Variants in ECPAS observed in about 807,000 individuals in gnomAD.
ECPAS encodes proteasome adapter and scaffold protein ECM29.
A neutral mutation model predicts 255.1 loss-of-function variants in ECPAS; 70 were observed. That is an observed-to-expected ratio of 0.27 (90% CI 0.23 to 0.33). The LOEUF (loss-of-function observed/expected upper bound fraction) is 0.33. Ranked by LOEUF, ECPAS falls within the 10% of genes least tolerant of loss-of-function variation. The pLI is 1.00. For synonymous variants in ECPAS, 784 were observed against 775.0 expected, an observed-to-expected ratio of 1.01 and a Z score of -0.19; for missense variants, 1,817 against 2,206.4, an observed-to-expected ratio of 0.82 and a Z score of 3.54.
intron 24 of ECPAS, among the ~76,000 whole-genome samples, chr9:111,399,094 T>C (rs1473953315): frequency 6.6e-6 from 1 of 152,144 alleles, no homozygotes; most frequent in African/African-American, 2.4e-5. Context: ...GATACCCTAT[T>C]CTCCATGATG....
chr9:111,472,838 C>A, intron 2 of ECPAS, 59 bp downstream of exon 2: 1 of 484,300 alleles, frequency 2.1e-6, no homozygotes, highest in South Asian at 2.3e-5. Flanking sequence ...ATAACCTATG[C>A]ATTTTTAAAT....
chr9:111,410,093 T>A lies in ECPAS; in HGVS notation c.2498A>T (p.His833Leu). 6.3e-7 allele frequency: 1 copy of A among 1,595,798 alleles called. No homozygotes were observed. Among genetic ancestry groups the A allele is most frequent in the Non-Finnish European group, 8.5e-7 (1 of 1,170,656 alleles). The change falls in exon 23 of 50, where the codon CAT becomes CTT. Residue 833 changes from histidine (H) to leucine (L), a missense_variant. This residue lies in a region of ECPAS where 194 missense variants were observed against 152.8 expected (regional missense o/e 1.27). Transcript: ENST00000684092. ...PSEGSGFTKL[H>L]LVESLLSRIP... ...TCTACTTAGTAAGCTTTCTACAAGA[T>A]GCAATTTGGTAAAGCCAGATCCCTC...
chr9:111,460,972 TG>T (rs2098272424), intron 2 of ECPAS, among the ~76,000 whole-genome samples: 1 of 152,058 alleles, frequency 6.6e-6, no homozygotes, highest in Non-Finnish European at 1.5e-5. Flanking sequence ...CAGGCCAGCC[TG>T]GGCAACACAG....
Position 111,416,262 on chromosome 9 carries a change from A to G in ECPAS, c.1764+10T>C, listed in dbSNP as rs779465565. The G allele has an allele frequency of 1.0e-5, 16 of 1,598,536 alleles. No homozygotes were observed. The highest frequency in any genetic ancestry group is 1.4e-5 in the Non-Finnish European group (16 of 1,165,892). On this transcript the variant is annotated intron_variant, in intron 18 of 49. Coordinates refer to ENST00000684092, the MANE Select transcript of ECPAS (RefSeq NM_001364929.1). ...TACAAAAAGTAAATAGAAATATATG[A>G]AAGTTCTACCTCTCCAAAGGCTGCT... is the stretch of plus-strand genomic sequence containing the variant.
At chr9:111,395,177 T>C (rs568020506) in intron 25 of ECPAS, among the ~76,000 whole-genome samples, 1 of 152,332 alleles carries the variant, frequency 6.6e-6, no homozygotes, top group African/African-American at 2.4e-5. Flanking sequence ...TTTTAATTCC[T>C]GTAACCACAA....
chr9:111,370,604 G>A lies in ECPAS; in HGVS notation c.4805C>T (p.Pro1602Leu). The change falls in exon 45 of 50, where the codon CCC (proline) becomes CTC (leucine). Residue 1602 changes from proline to leucine, a missense_variant. By Grantham distance (98) the Pro-to-Leu change is moderately conservative. This residue lies in a region of ECPAS where 960 missense variants were observed against 1,179.0 expected (regional missense o/e 0.81). Transcript: ENST00000684092. ...ACSAELEKSV[P>L]NQPSTNEILQ... ...AATTTCATTTGTGCTGGGTTGATTG[G>A]GCACAGACTTTTCCAGCTCTGCACT... The A allele has an allele frequency of 6.2e-7, 1 of 1,610,868 alleles. No homozygotes were observed. The highest frequency in any genetic ancestry group is 1.1e-5 in the South Asian group (1 of 90,418).
At chr9:111,395,874 C>T (rs2098166876) in intron 25 of ECPAS, among the ~76,000 whole-genome samples, 1 of 152,188 alleles carries the variant, frequency 6.6e-6, no homozygotes, top group Admixed American at 6.5e-5. Context: ...TGCCTTGCTT[C>T]ATGTGTGTTC....
At chr9:111,471,855 C>G (rs1258705635) in intron 2 of ECPAS, among the ~76,000 whole-genome samples, 1 of 152,110 alleles carries the variant, frequency 6.6e-6, no homozygotes, top group African/African-American at 2.4e-5. Context: ...AAAATCATGA[C>G]ACTTTGGGGG....
intron 1 of ECPAS, among the ~76,000 whole-genome samples, chr9:111,473,876 A>G (rs964768998): frequency 1.3e-5 from 2 of 152,192 alleles, no homozygotes; most frequent in African/African-American, 4.8e-5. Flanking sequence ...CTGAGGTCAG[A>G]AGATGGATTG....
intron 2 of ECPAS, among the ~76,000 whole-genome samples, chr9:111,456,352 G>C (rs1302362017): frequency 6.6e-6 from 1 of 152,150 alleles, no homozygotes; most frequent in African/African-American, 2.4e-5. Context: ...ACTTGCCCAA[G>C]GTCACAGATT....
Position 111,484,299 on chromosome 9 carries a change from C to G in ECPAS, c.-266G>C, listed in dbSNP as rs2132161578. ...GGAAATCCTCGAGGCGGGGCCGGAGCGCCCTTTTCCGAGGTCTGCGGCTGT... is the reference window on the plus strand; with the variant it reads ...GGAAATCCTCGAGGCGGGGCCGGAGGGCCCTTTTCCGAGGTCTGCGGCTGT... On this transcript the variant is annotated 5_prime_UTR_variant, in exon 1 of 50. Coordinates refer to ENST00000684092, the MANE Select transcript of ECPAS (RefSeq NM_001364929.1). 6.4e-7 allele frequency: 1 copy of G among 1,551,892 alleles called. No individual in the cohort carries two copies.
chr9:111,371,577 A>T (rs765626157), intron 43 of ECPAS, 44 bp downstream of exon 43: 2 of 1,507,490 alleles, frequency 1.3e-6, no homozygotes, highest in African/African-American at 2.8e-5. Flanking sequence ...AAAATGAAAG[A>T]TGAAGTCAGA....
intron 2 of ECPAS, among the ~76,000 whole-genome samples, chr9:111,472,126 T>G (rs193017983): frequency 6.6e-6 from 1 of 151,496 alleles, no homozygotes; most frequent in African/African-American, 2.4e-5. Flanking sequence ...AAACAAAATG[T>G]AGTCCCAGCT....
At chr9:111,422,080 G>A (rs370952793) in intron 14 of ECPAS, 37 bp from the exon 15 acceptor site, 26 of 1,613,450 alleles carry the variant, frequency 1.6e-5, no homozygotes, top group Non-Finnish European at 2.0e-5. Flanking sequence ...TCCTTGTTGG[G>A]TTCCCAGGGG....
chr9:111,371,687 A>T lies in ECPAS; in HGVS notation c.4671T>A (p.Pro1557=). 1 of 1,613,848 alleles carries T rather than the reference A, an allele frequency of 6.2e-7. No homozygotes were observed. Among genetic ancestry groups the T allele is most frequent in the South Asian group, 1.1e-5 (1 of 91,074 alleles). Residue 1557 remains proline, a synonymous_variant, in exon 43 of 50, where the codon CCT becomes CCA. Transcript: ENST00000684092. ...CGGTCAGTATCATTCCGAGATATGG[A>T]GGTACTAGAGAGCTAGTCTGTTTTG... is the stretch of plus-strand genomic sequence containing the variant. The part of the protein sequence containing the change: ...SIAKQTSSLV[P]PYLGMILTAL...
intron 16 of ECPAS, among the ~76,000 whole-genome samples, chr9:111,418,307 G>A (rs1303470666): frequency 2.6e-5 from 4 of 151,974 alleles, no homozygotes; most frequent in African/African-American, 4.8e-5. Context: ...GCTTTACCTC[G>A]TAGAGTTAAA....
chr9:111,402,120 C>A (rs1138814), intron 24 of ECPAS, among the ~76,000 whole-genome samples: 1 of 152,162 alleles, frequency 6.6e-6, no homozygotes, highest in African/African-American at 2.4e-5. Flanking sequence ...TGTTCAGAGA[C>A]TGCAGTAAAG....
intron 35 of ECPAS, among the ~76,000 whole-genome samples, chr9:111,381,684 TATGA>T (rs1482529825): frequency 2.0e-5 from 3 of 152,210 alleles, no homozygotes; most frequent in Admixed American, 6.5e-5. Flanking sequence ...TAAACTTCAC[TATGA>T]ATATCTAAAA....
At chr9:111,472,381 G>C (rs1445873728) in intron 2 of ECPAS, among the ~76,000 whole-genome samples, 1 of 151,324 alleles carries the variant, frequency 6.6e-6, no homozygotes, top group Non-Finnish European at 1.5e-5. Context: ...CTTGTGCACA[G>C]TGCTAAATAA....
Sources: gnomAD v4.1 joint callset for allele counts (sites outside exome capture counted in the v4.1 genomes callset) on GRCh38, gnomAD v4.1.1 for gene constraint, gnomAD v4.1.1 regional missense constraint, MANE v1.5 for transcripts, NCBI Gene and HGNC (gene_info 2026-07-23, HGNC 2026-07-21) for gene names.